Variants in GRIP1 observed in about 807,000 individuals in gnomAD.
GRIP1 encodes the protein glutamate receptor-interacting protein 1.
GRIP1 carries 45 observed loss-of-function variants against 129.9 expected under a neutral mutation model. That is an observed-to-expected ratio of 0.35 (90% CI 0.27 to 0.44). The LOEUF (loss-of-function observed/expected upper bound fraction) is 0.44, where lower values mean the gene tolerates loss of function less well. GRIP1 is among the 20% of genes least tolerant of loss of function. GRIP1 has a pLI of 1.00. For synonymous variants in GRIP1, 530 were observed against 520.8 expected, an observed-to-expected ratio of 1.02 and a Z score of -0.24; for missense variants, 1,196 against 1,396.8, an observed-to-expected ratio of 0.86 and a Z score of 2.29.
chr12:66,529,471 T>G (rs1183723907), intron 5 of GRIP1, among the ~76,000 whole-genome samples: 1 of 152,188 alleles, frequency 6.6e-6, no homozygotes, highest in African/African-American at 2.4e-5. Context: ...AAGGAATGAA[T>G]TAATGGAATT....
chr12:66,871,345 C>A (rs535061078), intron 1 of GRIP1, among the ~76,000 whole-genome samples: 2 of 152,038 alleles, frequency 1.3e-5, no homozygotes, highest in East Asian at 1.9e-4. Flanking sequence ...TAGAACAGCA[C>A]GAATAGCAAG....
chr12:66,488,457 T>G (rs1449126646), intron 7 of GRIP1, among the ~76,000 whole-genome samples: 1 of 152,208 alleles, frequency 6.6e-6, no homozygotes, highest in Non-Finnish European at 1.5e-5. Context: ...CCAGAATTTT[T>G]GGGATGCAGC....
intron 16 of GRIP1, among the ~76,000 whole-genome samples, chr12:66,403,136 T>A (rs532372457): frequency 4.7e-4 from 71 of 152,306 alleles, no homozygotes; most frequent in African/African-American, 1.7e-3. Context: ...ATTTTTTTTT[T>A]TAATTTATTT....
intron 1 of GRIP1, among the ~76,000 whole-genome samples, chr12:66,998,190 G>A (rs1193734376): frequency 6.6e-6 from 1 of 151,938 alleles, no homozygotes; most frequent in African/African-American, 2.4e-5. Flanking sequence ...ATATTTCAAG[G>A]GTTCAAAAGC....
intron 7 of GRIP1, among the ~76,000 whole-genome samples, chr12:66,493,501 G>T (rs149170557): frequency 6.6e-6 from 1 of 152,020 alleles, no homozygotes; most frequent in African/African-American, 2.4e-5. Context: ...AGACAGCAAG[G>T]GTATTTGAAA....
chr12:66,792,734 A>T (rs997317835), intron 1 of GRIP1, among the ~76,000 whole-genome samples: 1 of 152,050 alleles, frequency 6.6e-6, no homozygotes, highest in African/African-American at 2.4e-5. Context: ...AAAAGTAAAA[A>T]ACAAAACCTT....
At chr12:66,859,426 T>A (rs2137111699) in intron 1 of GRIP1, among the ~76,000 whole-genome samples, 2 of 152,060 alleles carry the variant, frequency 1.3e-5, no homozygotes, top group South Asian at 4.1e-4. Flanking sequence ...TGATTCTGCT[T>A]CTAAACCATT....
intron 2 of GRIP1, among the ~76,000 whole-genome samples, chr12:66,562,917 A>G (rs1269344509): frequency 6.6e-6 from 1 of 152,130 alleles, no homozygotes; most frequent in Non-Finnish European, 1.5e-5. Context: ...AGAAAATCAT[A>G]AGGAAGAAAA....
chr12:66,786,084 CA>C (rs1188694707), intron 1 of GRIP1, among the ~76,000 whole-genome samples: 1 of 151,586 alleles, frequency 6.6e-6, no homozygotes, highest in African/African-American at 2.4e-5. Flanking sequence ...TCCTGTCACA[CA>C]AAAAAATAAA....
At chr12:66,575,356 A>T (rs577630046) in intron 2 of GRIP1, among the ~76,000 whole-genome samples, 29 of 152,360 alleles carry the variant, frequency 1.9e-4, no homozygotes, top group African/African-American at 6.5e-4. Context: ...AAAAACATAC[A>T]TTTTAAAATA....
chr12:66,993,788 CAAAAAAA>C (rs3051204), intron 1 of GRIP1, among the ~76,000 whole-genome samples: 1 of 116,160 alleles, frequency 8.6e-6, no homozygotes, highest in Non-Finnish European at 1.8e-5. Context: ...GAGGCTGTCT[CAAAAAAA>C]AAAAAAAAAA....
chr12:66,860,348 A>C (rs780005735), intron 1 of GRIP1, among the ~76,000 whole-genome samples: 7 of 152,090 alleles, frequency 4.6e-5, no homozygotes, highest in African/African-American at 9.7e-5. Flanking sequence ...TTAAATATGA[A>C]CCTCAGCATA....
At position 66,912,827 on chromosome 12, in the gene GRIP1, C is replaced by T. The variant is rs117186737; in HGVS notation, c.58+156223G>A. ...TGAACCATGATCATTAATTTATGAG[C>T]GGAACCTAAATTAATAGAAAAGGCA... On this transcript the variant is annotated intron_variant, in intron 1 of 1. Transcript: ENST00000643019. 2.9e-3 allele frequency among the ~76,000 whole-genome samples: 448 copies of T among 152,120 alleles called. 7 individuals are homozygous for T. Among genetic ancestry groups the T allele is most frequent in the East Asian group, 0.028 (147 of 5,184 alleles).
At chr12:66,917,800 G>C (rs973739646) in intron 1 of GRIP1, among the ~76,000 whole-genome samples, 9 of 152,154 alleles carry the variant, frequency 5.9e-5, no homozygotes, top group African/African-American at 2.2e-4. Flanking sequence ...GACAAATTAA[G>C]TCATTTTATA....
intron 22 of GRIP1, chr12:66,372,162 TATTTA>T: frequency 1.7e-6 from 1 of 589,118 alleles, no homozygotes; most frequent in South Asian, 2.0e-5. Flanking sequence ...CCATTGAGTT[TATTTA>T]ATCAAATACC....
chr12:67,054,441 G>T (rs1195435388), intron 1 of GRIP1, among the ~76,000 whole-genome samples: 1 of 152,060 alleles, frequency 6.6e-6, no homozygotes, highest in Non-Finnish European at 1.5e-5. Context: ...TATATAGTTT[G>T]TCATGTGCGA....
intron 9 of GRIP1, among the ~76,000 whole-genome samples, chr12:66,457,117 GA>G (rs527437085): frequency 2.7e-3 from 415 of 151,780 alleles, no homozygotes; most frequent in African/African-American, 8.6e-3. Context: ...TTATGTTTTA[GA>G]AAATCTTTAT....
At chr12:66,995,339 C>T (rs1478145982) in intron 1 of GRIP1, among the ~76,000 whole-genome samples, 2 of 151,918 alleles carry the variant, frequency 1.3e-5, no homozygotes, top group Non-Finnish European at 2.9e-5. Flanking sequence ...AAAGAAACAA[C>T]AAATAAAATG....
chr12:66,955,808 A>G (rs1425323011), intron 1 of GRIP1, among the ~76,000 whole-genome samples: 1 of 152,176 alleles, frequency 6.6e-6, no homozygotes, highest in Non-Finnish European at 1.5e-5. Context: ...CACCCTGCCT[A>G]TACTACATTA....
Sources: allele counts gnomAD v4.1 joint callset (sites outside exome capture counted in the v4.1 genomes callset), GRCh38; gene constraint gnomAD v4.1.1; transcripts MANE v1.5; gene names NCBI Gene and HGNC (gene_info 2026-07-23, HGNC 2026-07-21).